TRIP12: variants seen among roughly 807,000 people sequenced by gnomAD.
TRIP12 encodes thyroid hormone receptor interactor 12.
TRIP12 carries 25 observed loss-of-function variants against 244.2 expected under a neutral mutation model. That is an observed-to-expected ratio of 0.10 (90% CI 0.07 to 0.14). TRIP12 has a LOEUF of 0.14. Ranked by LOEUF, TRIP12 falls within the 10% of genes least tolerant of loss-of-function variation. TRIP12 has a pLI of 1.00. For synonymous variants in TRIP12, 905 were observed against 873.1 expected (o/e 1.04, Z -0.64); for missense variants, 1,677 against 2,486.4 (o/e 0.67, Z 6.92).
intron 1 of TRIP12, chr2:229,900,981 T>G (rs2070597012): frequency 6.6e-6 from 1 of 151,324 alleles, no homozygotes; most frequent in Non-Finnish European, 1.5e-5. Flanking sequence ...TCGGCCATGC[T>G]GGAGTGCAGC....
At chr2:229,801,704 C>T (rs908417644) in intron 21 of TRIP12, among the ~76,000 whole-genome samples, 14 of 152,248 alleles carry the variant, frequency 9.2e-5, no homozygotes, top group African/African-American at 3.1e-4. Context: ...AGATTAAAAG[C>T]TGATAAATAA....
At chr2:229,812,976 A>G (rs1197653662) in intron 13 of TRIP12, among the ~76,000 whole-genome samples, 1 of 152,216 alleles carries the variant, frequency 6.6e-6, no homozygotes, top group Non-Finnish European at 1.5e-5. Flanking sequence ...TAGCTAAAAA[A>G]AAATTCAATT....
At chr2:229,819,061 CA>C (rs1559620456) in intron 8 of TRIP12, among the ~76,000 whole-genome samples, 1 of 146,696 alleles carries the variant, frequency 6.8e-6, no homozygotes, top group Non-Finnish European at 1.5e-5. Context: ...CACACACACA[CA>C]CACACACACA....
intron 21 of TRIP12, among the ~76,000 whole-genome samples, chr2:229,800,406 C>A (rs951118580): frequency 6.6e-6 from 1 of 151,780 alleles, no homozygotes; most frequent in Non-Finnish European, 1.5e-5. Flanking sequence ...GATGAAAAGG[C>A]TGAAAAATGT....
At chr2:229,803,491 G>T in intron 20 of TRIP12, 80 bp downstream of exon 20, 1 of 882,692 alleles carries the variant, frequency 1.1e-6, no homozygotes, top group Non-Finnish European at 1.7e-6. Context: ...AAAGCTATCA[G>T]TTTTTGCTCG....
At chr2:229,819,081 C>A (rs1290100137) in intron 8 of TRIP12, among the ~76,000 whole-genome samples, 1 of 136,414 alleles carries the variant, frequency 7.3e-6, no homozygotes, top group Non-Finnish European at 1.7e-5. Context: ...CACACACACA[C>A]ACACAATTAT....
Position 229,765,368 on chromosome 2 carries a change from C to T in TRIP12, c.*2186G>A, listed in dbSNP as rs2031433114. The T allele has an allele frequency of 6.6e-6, 1 of 152,164 alleles. No homozygotes were observed. The highest frequency in any genetic ancestry group is 2.4e-5 in the African/African-American group (1 of 41,436). The allele number at this position is 152,164 out of a possible 1,614,324, so 9.4% of individuals were successfully genotyped here. A position where few individuals can be genotyped will look rare whatever the true frequency, so the allele number is the denominator to read the frequency against. ...ACTTTTTCCCTCTGGTGCAATAAGG[C>T]CTCTGCCAAGAGAGATTACTTTAAG... is the stretch of plus-strand genomic sequence containing the variant. On this transcript the variant is annotated 3_prime_UTR_variant, in exon 42 of 42. Coordinates refer to ENST00000675903, the MANE Select transcript of TRIP12 (RefSeq NM_001348323.3).
Position 229,778,019 on chromosome 2 carries a change from G to C in TRIP12, c.5364+414C>G, listed in dbSNP as rs1279629733. ...CAACCTCTATGAATACTGATCACTC[G>C]GGTTATTTTCACAACAGCACTCTAA... On this transcript the variant is annotated intron_variant, in intron 36 of 41. Transcript: ENST00000675903. This position sits in a 1 kb window ranked among gnomAD's most constrained non-coding sequence, Gnocchi z 4.1. 3.9e-5 allele frequency among the ~76,000 whole-genome samples: 6 copies of C among 152,092 alleles called. No homozygotes were observed. Among genetic ancestry groups the C allele is most frequent in the Non-Finnish European group, 5.9e-5 (4 of 68,032 alleles).
chr2:229,770,857 C>G (rs550532673), intron 39 of TRIP12, among the ~76,000 whole-genome samples: 1 of 152,182 alleles, frequency 6.6e-6, no homozygotes, highest in Admixed American at 6.5e-5. Context: ...TTGTCTGCTG[C>G]CATGTGAGAT....
chr2:229,787,282 T>C (rs1004948809), intron 33 of TRIP12, among the ~76,000 whole-genome samples: 6 of 152,040 alleles, frequency 3.9e-5, no homozygotes, highest in African/African-American at 1.2e-4. Flanking sequence ...AAGAGAATTG[T>C]AGAAATTATT....
intron 13 of TRIP12, among the ~76,000 whole-genome samples, chr2:229,812,704 G>A (rs2047569520): frequency 1.3e-5 from 2 of 152,272 alleles, no homozygotes; most frequent in South Asian, 4.1e-4. Flanking sequence ...TATTCAGGAG[G>A]CTGAGGCAGA....
intron 37 of TRIP12, among the ~76,000 whole-genome samples, chr2:229,774,977 A>G (rs1486625319): frequency 6.6e-6 from 1 of 152,224 alleles, no homozygotes; most frequent in African/African-American, 2.4e-5. Context: ...CTTAAGGATC[A>G]AAAACCAACA....
intron 1 of TRIP12, among the ~76,000 whole-genome samples, chr2:229,899,957 C>T (rs74751612): frequency 0.014 from 2,155 of 152,224 alleles, 55 homozygotes; most frequent in African/African-American, 0.048. Context: ...ATATAGAAGG[C>T]GCTAATAGGT....
At chr2:229,799,081 C>T in intron 22 of TRIP12, 32 bp from the exon 23 acceptor site, 1 of 1,608,626 alleles carries the variant, frequency 6.2e-7, no homozygotes, top group Admixed American at 1.7e-5. Flanking sequence ...ACAGTTAAGT[C>T]ATTTTAGTTT....
chr2:229,841,026 G>A (rs1007897483), intron 4 of TRIP12, 99 bp from the exon 5 acceptor site: 1 of 869,814 alleles, frequency 1.1e-6, no homozygotes, highest in South Asian at 1.7e-5. Context: ...AAACTTCACA[G>A]AATATTTTTA....
intron 1 of TRIP12, among the ~76,000 whole-genome samples, chr2:229,884,647 C>T (rs990287190): frequency 6.6e-6 from 1 of 152,116 alleles, no homozygotes; most frequent in Non-Finnish European, 1.5e-5. Flanking sequence ...TGGTACAGAA[C>T]TTTCAGAACA....
At chr2:229,812,595 C>G (rs191357639) in intron 13 of TRIP12, among the ~76,000 whole-genome samples, 1 of 152,046 alleles carries the variant, frequency 6.6e-6, no homozygotes, top group African/African-American at 2.4e-5. Context: ...CACTTGAGTG[C>G]AGGAGTTTGA....
chr2:229,917,903 G>A lies in TRIP12; in HGVS notation c.-50+3977C>T, dbSNP rs1164421887. Among the ~76,000 whole-genome samples, 5 of 151,736 alleles carry A rather than the reference G, an allele frequency of 3.3e-5. No individual in the cohort carries two copies. In the South Asian group the frequency reaches 8.3e-4, roughly 25 times the overall value. ...GGAGACAGTCTCACTATGTTGCCTG[G>A]GCTACAACTCCTAGCCTCAAGCGAT... On this transcript the variant is annotated intron_variant, in intron 1 of 41. Transcript: ENST00000675903.
Position 229,792,965 on chromosome 2 carries a change from G to T in TRIP12, c.4141+8C>A. 4 of 1,607,718 alleles carry T rather than the reference G, an allele frequency of 2.5e-6. No individual in the cohort carries two copies. The highest frequency in any genetic ancestry group is 2.5e-6 in the Non-Finnish European group (3 of 1,177,266). ...ATATAACACACGAAACAAATATATG[G>T]AAAGTACCTCTAACTACAAGGTATC... On this transcript the variant is annotated splice_region_variant and intron_variant, in intron 27 of 41. Coordinates refer to ENST00000675903, the MANE Select transcript of TRIP12 (RefSeq NM_001348323.3).
Sources: allele counts gnomAD v4.1 joint callset (sites outside exome capture counted in the v4.1 genomes callset), GRCh38; gene constraint gnomAD v4.1.1; non-coding constraint Gnocchi (gnomAD v3.1); transcripts MANE v1.5; gene names NCBI Gene and HGNC (gene_info 2026-07-23, HGNC 2026-07-21).